Variants in RNF150 observed in about 807,000 individuals in gnomAD.
The protein encoded by RNF150 is ring finger protein 150.
Under a neutral mutation model 39.3 loss-of-function variants are expected in RNF150, and 24 were observed. That is an observed-to-expected ratio of 0.61 (90% CI 0.44 to 0.86). RNF150 has a LOEUF of 0.86. Among genes scored for constraint, RNF150 ranks in the 40% least tolerant of loss-of-function variants. RNF150 has a pLI of 0.00. For missense variants in RNF150, 502 were observed against 587.8 expected (o/e 0.85, Z 1.51); for synonymous variants, 255 against 227.3 (o/e 1.12, Z -1.10).
upstream of RNF150, among the ~76,000 whole-genome samples, chr4:141,133,660 C>A (rs549822011): frequency 6.6e-6 from 1 of 151,942 alleles, no homozygotes; most frequent in Non-Finnish European, 1.5e-5. Context: ...AGGAAGCGAC[C>A]CCTCGACCTT....
At chr4:141,187,600 A>T (rs1728035993) in intron 1 of RNF150, among the ~76,000 whole-genome samples, 1 of 152,200 alleles carries the variant, frequency 6.6e-6, no homozygotes, top group Non-Finnish European at 1.5e-5. Flanking sequence ...CTTTACCATT[A>T]TGCAATGCCC....
At chr4:141,194,369 T>A (rs1368426763) in intron 1 of RNF150, among the ~76,000 whole-genome samples, 1 of 152,238 alleles carries the variant, frequency 6.6e-6, no homozygotes, top group East Asian at 1.9e-4. Context: ...ACTTAGGCAT[T>A]ACATTTGAAA....
At chr4:141,023,834 T>A (rs1437915093) in intron 1 of RNF150, among the ~76,000 whole-genome samples, 1 of 152,204 alleles carries the variant, frequency 6.6e-6, no homozygotes, top group Non-Finnish European at 1.5e-5. Context: ...CTCTCTTCTC[T>A]CTGCCAAAAT....
chr4:140,886,099 G>C (rs1413554351), intron 6 of RNF150, among the ~76,000 whole-genome samples: 4 of 149,646 alleles, frequency 2.7e-5, no homozygotes, highest in African/African-American at 7.4e-5. Context: ...GCTGAGGCAG[G>C]AGAATGGTGT....
intron 1 of RNF150, among the ~76,000 whole-genome samples, chr4:141,110,568 C>G (rs544651557): frequency 1.3e-5 from 2 of 151,750 alleles, no homozygotes; most frequent in African/African-American, 4.9e-5. Context: ...TCCATGCCAC[C>G]ACACCTAATT....
intron 6 of RNF150, among the ~76,000 whole-genome samples, chr4:140,910,776 C>A (rs553645835): frequency 6.6e-6 from 1 of 152,312 alleles, no homozygotes; most frequent in East Asian, 1.9e-4. Flanking sequence ...CTATCCCAGT[C>A]CTGCTGAGCA....
intron 1 of RNF150, among the ~76,000 whole-genome samples, chr4:141,018,619 T>G (rs919331547): frequency 6.6e-6 from 1 of 152,158 alleles, no homozygotes; most frequent in African/African-American, 2.4e-5. Flanking sequence ...GGCCCTTTCC[T>G]GTCACCTTTC....
chr4:140,926,135 G>A, intron 4 of RNF150, 62 bp from the exon 5 acceptor site: 2 of 1,186,712 alleles, frequency 1.7e-6, no homozygotes, highest in East Asian at 2.3e-5. Context: ...GGTCCACCAT[G>A]GCCCAGGGAC....
In RNF150 at chr4:141,143,058, C is replaced by T. The variant is rs762546286; in HGVS notation, c.-6+69736G>A. ...ATAATTTTTTGTATTTTAGTAGATA[C>T]GGGGTTTCACCGTGTTGCCCAGGCT... On this transcript the variant is annotated intron_variant, in intron 1 of 7. Transcript: ENST00000420921. 5.9e-5 allele frequency among the ~76,000 whole-genome samples: 9 copies of T among 152,030 alleles called. No individual in the cohort carries two copies. In the Middle Eastern group the frequency reaches 0.017, roughly 289 times the overall value.
At chr4:141,151,198 C>A (rs1426099727) in intron 1 of RNF150, among the ~76,000 whole-genome samples, 1 of 152,142 alleles carries the variant, frequency 6.6e-6, no homozygotes, top group African/African-American at 2.4e-5. Context: ...CTAGCCTCAG[C>A]CTCCCAAAGT....
At chr4:141,108,654 T>C (rs758684197) in intron 1 of RNF150, among the ~76,000 whole-genome samples, 1 of 152,242 alleles carries the variant, frequency 6.6e-6, no homozygotes, top group Non-Finnish European at 1.5e-5. Flanking sequence ...TTGTTACATC[T>C]TAAAACCAGT....
chr4:141,127,393 C>A (rs4956518), intron 1 of RNF150, among the ~76,000 whole-genome samples: 122,634 of 152,174 alleles, frequency 0.81, 49,652 homozygotes, highest in East Asian at 1. Context: ...GGAAAATGTA[C>A]AGCAAAAGTA....
intron 1 of RNF150, among the ~76,000 whole-genome samples, chr4:140,988,291 A>T (rs1267632824): frequency 4.6e-5 from 7 of 152,160 alleles, no homozygotes; most frequent in Admixed American, 4.6e-4. Context: ...CCATAAAAAC[A>T]CATGCATGCG....
At chr4:141,093,294 A>G (rs1302508492) in intron 1 of RNF150, among the ~76,000 whole-genome samples, 1 of 149,064 alleles carries the variant, frequency 6.7e-6, no homozygotes, top group Non-Finnish European at 1.5e-5. Flanking sequence ...TGAACCTGGG[A>G]GGAGGTGCTT....
chr4:140,877,391 G>T (rs1295526817), intron 6 of RNF150, among the ~76,000 whole-genome samples: 1 of 152,150 alleles, frequency 6.6e-6, no homozygotes, highest in African/African-American at 2.4e-5. Context: ...GTAGATGAAA[G>T]ACTTTTGATG....
intron 1 of RNF150, among the ~76,000 whole-genome samples, chr4:140,988,834 T>C (rs1428312143): frequency 2.0e-5 from 3 of 152,050 alleles, no homozygotes; most frequent in Non-Finnish European, 4.4e-5. Flanking sequence ...TAAAAAATGA[T>C]GAGTTCATGT....
At chr4:140,934,638 T>G (rs2874599) in intron 4 of RNF150, among the ~76,000 whole-genome samples, 144,413 of 151,990 alleles carry the variant, frequency 0.95, 68,834 homozygotes, top group Non-Finnish European at 0.97. Context: ...TTTCCTTGAG[T>G]TGCTTAGACA....
intron 1 of RNF150, among the ~76,000 whole-genome samples, chr4:141,066,619 G>A (rs1213030309): frequency 3.9e-5 from 6 of 152,148 alleles, no homozygotes; most frequent in Admixed American, 3.9e-4. Flanking sequence ...TATGAAATAA[G>A]CTGACGATAT....
intron 1 of RNF150, among the ~76,000 whole-genome samples, chr4:141,156,206 T>C (rs28475092): frequency 0.34 from 52,420 of 152,010 alleles, 10,177 homozygotes; most frequent in East Asian, 0.55. Flanking sequence ...ATTTAGTCAG[T>C]TGGGGAGCTG....
Sources: gnomAD v4.1 joint callset for allele counts (sites outside exome capture counted in the v4.1 genomes callset) on GRCh38, gnomAD v4.1.1 for gene constraint, MANE v1.5 for transcripts, NCBI Gene and HGNC (gene_info 2026-07-23, HGNC 2026-07-21) for gene names.